The following TAFA1 variants were observed in gnomAD, a reference collection of about 807,000 sequenced individuals.
The protein encoded by TAFA1 is chemokine-like protein TAFA-1.
A neutral mutation model predicts 18.5 loss-of-function variants in TAFA1; 4 were observed. That is an observed-to-expected ratio of 0.22 (90% CI 0.11 to 0.49). The LOEUF (loss-of-function observed/expected upper bound fraction) is 0.49, where lower values mean the gene tolerates loss of function less well. Ranked by LOEUF, TAFA1 falls within the 20% of genes least tolerant of loss-of-function variation. TAFA1 has a pLI of 0.98. For missense variants in TAFA1, 147 were observed against 169.0 expected, an observed-to-expected ratio of 0.87 and a Z score of 0.72; for synonymous variants, 56 against 55.2, an observed-to-expected ratio of 1.01 and a Z score of -0.06.
At chr3:68,437,045 G>A (rs73111013) in intron 3 of TAFA1, among the ~76,000 whole-genome samples, 18,866 of 152,178 alleles carry the variant, frequency 0.12, 1,613 homozygotes, top group East Asian at 0.34. Context: ...ATGTAATATA[G>A]ACATGAAAGA....
chr3:67,994,391 T>G, the TAFA1 span, among the ~76,000 whole-genome samples: 1 of 152,216 alleles, frequency 6.6e-6, no homozygotes, highest in South Asian at 2.1e-4. Flanking sequence ...AGTCTGTTTA[T>G]TTTTAAACTG....
At chr3:68,489,266 G>T (rs181924415) in intron 3 of TAFA1, among the ~76,000 whole-genome samples, 1 of 152,162 alleles carries the variant, frequency 6.6e-6, no homozygotes, top group South Asian at 2.1e-4. Flanking sequence ...TAGGAGAAGC[G>T]TGCCTCATGC....
intron 2 of TAFA1, among the ~76,000 whole-genome samples, chr3:68,292,565 C>T (rs895683870): frequency 2.6e-5 from 4 of 152,122 alleles, no homozygotes; most frequent in Non-Finnish European, 4.4e-5. Context: ...CTCACTCTAT[C>T]GCCCAAGCTG....
intron 2 of TAFA1, among the ~76,000 whole-genome samples, chr3:68,336,623 T>A (rs1164789034): frequency 6.6e-6 from 1 of 152,254 alleles, no homozygotes; most frequent in Non-Finnish European, 1.5e-5. Context: ...AAAGGAAAGT[T>A]ACAATTATCA....
chr3:68,446,139 T>G (rs748342872), intron 3 of TAFA1, among the ~76,000 whole-genome samples: 3 of 152,122 alleles, frequency 2.0e-5, no homozygotes, highest in Non-Finnish European at 2.9e-5. Flanking sequence ...ACTTCTGGCC[T>G]CAAGACGTCC....
intron 2 of TAFA1, among the ~76,000 whole-genome samples, chr3:68,286,082 G>A (rs575392203): frequency 6.6e-6 from 1 of 151,976 alleles, no homozygotes; most frequent in South Asian, 2.1e-4. Context: ...GTGGTGGCAT[G>A]CACCTGTAGT....
At chr3:68,154,415 A>G (rs2065842087) in intron 2 of TAFA1, among the ~76,000 whole-genome samples, 1 of 152,208 alleles carries the variant, frequency 6.6e-6, no homozygotes, top group Admixed American at 6.5e-5. Flanking sequence ...TTTGGTGAGC[A>G]TTCAGCCACC....
At chr3:68,509,692 C>T (rs1346606125) in intron 3 of TAFA1, among the ~76,000 whole-genome samples, 1 of 152,056 alleles carries the variant, frequency 6.6e-6, no homozygotes, top group African/African-American at 2.4e-5. Flanking sequence ...CAGCCATTAC[C>T]AGCTATGTAA....
intron 2 of TAFA1, among the ~76,000 whole-genome samples, chr3:68,113,374 A>C (rs1482949192): frequency 6.6e-6 from 1 of 152,250 alleles, no homozygotes; most frequent in Non-Finnish European, 1.5e-5. Context: ...TGGAAAAAGC[A>C]AACTGCACAC....
intron 2 of TAFA1, among the ~76,000 whole-genome samples, chr3:68,208,207 G>A (rs2066550343): frequency 6.6e-6 from 1 of 151,918 alleles, no homozygotes; most frequent in African/African-American, 2.4e-5. Flanking sequence ...CCATGCACCA[G>A]TACAAACCTG....
chr3:68,075,530 C>G (rs1206938283), intron 2 of TAFA1, among the ~76,000 whole-genome samples: 2 of 152,112 alleles, frequency 1.3e-5, no homozygotes, highest in Non-Finnish European at 2.9e-5. Context: ...AAAGTAAATG[C>G]CACCTTATTA....
rs564057779 is a variant in TAFA1 at position 68,057,268 on chromosome 3, T to A, written c.118+50524T>A. On this transcript the variant is annotated intron_variant, in intron 2 of 4. Transcript: ENST00000478136. The stretch of plus-strand genomic sequence containing the variant: ...TTAGAGATATTTCAGTTATCTATGT[T>A]ATGGGGCCGAATCTCATCACTTGAA... Among the ~76,000 whole-genome samples, 5 of 152,306 alleles carry A rather than the reference T, an allele frequency of 3.3e-5. No homozygotes were observed. In the South Asian group the frequency reaches 1.0e-3, roughly 32 times the overall value.
intron 2 of TAFA1, among the ~76,000 whole-genome samples, chr3:68,263,610 A>C (rs1223924184): frequency 6.6e-6 from 1 of 151,088 alleles, no homozygotes; most frequent in East Asian, 2.0e-4. Flanking sequence ...TGAAGCTGAG[A>C]GAGGCTGGGC....
chr3:68,019,628 C>T (rs1187939530), intron 2 of TAFA1, among the ~76,000 whole-genome samples: 1 of 152,156 alleles, frequency 6.6e-6, no homozygotes, highest in Non-Finnish European at 1.5e-5. Context: ...GCAGCAGTGT[C>T]TTTTTGCTAA....
At chr3:67,996,548 C>T in the TAFA1 span, among the ~76,000 whole-genome samples, 1 of 152,250 alleles carries the variant, frequency 6.6e-6, no homozygotes, top group South Asian at 2.1e-4. Context: ...CCTGCAATCC[C>T]AGCACTTTGG....
intron 3 of TAFA1, among the ~76,000 whole-genome samples, chr3:68,498,352 A>T (rs2072589043): frequency 6.6e-6 from 1 of 152,166 alleles, no homozygotes; most frequent in Non-Finnish European, 1.5e-5. Context: ...AAGATGAATT[A>T]GTCAATGTCC....
intron 2 of TAFA1, among the ~76,000 whole-genome samples, chr3:68,373,236 A>G (rs1362047807): frequency 6.6e-6 from 1 of 152,216 alleles, no homozygotes. Flanking sequence ...CTACTATATA[A>G]GGAACACCTA....
intron 2 of TAFA1, among the ~76,000 whole-genome samples, chr3:68,052,203 C>A (rs1229627985): frequency 6.6e-6 from 1 of 152,070 alleles, no homozygotes; most frequent in African/African-American, 2.4e-5. Context: ...GTCAAGAAAC[C>A]ACCATGACCT....
intron 2 of TAFA1, among the ~76,000 whole-genome samples, chr3:68,154,838 G>GCC (rs961580501): frequency 6.6e-6 from 1 of 151,942 alleles, no homozygotes. Flanking sequence ...TCTATTTTCT[G>GCC]CCCCCCACCA....
Sources: gnomAD v4.1 joint callset for allele counts (sites outside exome capture counted in the v4.1 genomes callset) on GRCh38, gnomAD v4.1.1 for gene constraint, MANE v1.5 for transcripts, NCBI Gene and HGNC (gene_info 2026-07-23, HGNC 2026-07-21) for gene names.